The following NRG1 variants were observed in gnomAD, a reference collection of about 807,000 sequenced individuals.
The protein encoded by NRG1 is pro-neuregulin-1, membrane-bound isoform.
A neutral mutation model predicts 63.8 loss-of-function variants in NRG1; 18 were observed. The ratio of observed to expected loss-of-function variants is 0.28; its 90% CI spans 0.19 to 0.42. The LOEUF is 0.42. Ranked by LOEUF, NRG1 falls within the 10% of genes least tolerant of loss-of-function variation. The pLI is 1.00. For missense variants in NRG1, 762 were observed against 814.7 expected (o/e 0.94, Z 0.79); for synonymous variants, 302 against 301.3 (o/e 1.00, Z -0.02).
intron 1 of NRG1, among the ~76,000 whole-genome samples, chr8:32,303,991 T>C (rs1855917838): frequency 6.6e-6 from 1 of 152,254 alleles, no homozygotes; most frequent in Non-Finnish European, 1.5e-5. Flanking sequence ...TCATCTGAAC[T>C]GTGAAATTTT....
At chr8:32,510,897 A>G (rs1371173850) in intron 1 of NRG1, among the ~76,000 whole-genome samples, 1 of 149,156 alleles carries the variant, frequency 6.7e-6, no homozygotes, top group African/African-American at 2.5e-5. Flanking sequence ...TCTTATAAAC[A>G]TTGTTCTTTT....
chr8:32,311,419 T>C (rs1856791841), intron 1 of NRG1, among the ~76,000 whole-genome samples: 1 of 152,066 alleles, frequency 6.6e-6, no homozygotes, highest in Admixed American at 6.6e-5. Flanking sequence ...AGAGTTCAAA[T>C]GCAAGAAGGA....
At chr8:31,852,331 G>A (rs1188448037) in intron 1 of NRG1, among the ~76,000 whole-genome samples, 1 of 149,656 alleles carries the variant, frequency 6.7e-6, no homozygotes, top group African/African-American at 2.4e-5. Flanking sequence ...TCTCATTGTG[G>A]TTTTGATTTG....
At chr8:31,746,230 T>A (rs143318780) in intron 1 of NRG1, among the ~76,000 whole-genome samples, 1 of 152,088 alleles carries the variant, frequency 6.6e-6, no homozygotes, top group African/African-American at 2.4e-5. Context: ...AAGCCCAAGC[T>A]TTTGTGGAAA....
chr8:31,689,536 CT>C (rs1229839148), intron 1 of NRG1, among the ~76,000 whole-genome samples: 1 of 152,152 alleles, frequency 6.6e-6, no homozygotes, highest in East Asian at 1.9e-4. Flanking sequence ...AGACTGCATA[CT>C]TTTTCTTCTT....
intron 5 of NRG1, among the ~76,000 whole-genome samples, chr8:32,722,476 A>G (rs1820902929): frequency 6.6e-6 from 1 of 152,182 alleles, no homozygotes; most frequent in Non-Finnish European, 1.5e-5. Flanking sequence ...TACAGGAAAT[A>G]CTGTTTGATT....
intron 1 of NRG1, among the ~76,000 whole-genome samples, chr8:31,763,946 C>A (rs1361825604): frequency 3.5e-5 from 5 of 140,958 alleles, no homozygotes; most frequent in Non-Finnish European, 7.5e-5. Context: ...CAAGAGCTTG[C>A]AGTGAGCCAA....
chr8:32,113,334 A>G (rs1465756517), intron 1 of NRG1, among the ~76,000 whole-genome samples: 2 of 152,096 alleles, frequency 1.3e-5, no homozygotes, highest in South Asian at 4.1e-4. Flanking sequence ...ACGTATCTCC[A>G]ATAGTAACTG....
intron 1 of NRG1, among the ~76,000 whole-genome samples, chr8:32,291,471 A>C (rs768267110): frequency 2.8e-4 from 43 of 150,946 alleles, no homozygotes; most frequent in Non-Finnish European, 3.8e-4. Context: ...ACGATAAATC[A>C]TGTGTGACCT....
intron 1 of NRG1, among the ~76,000 whole-genome samples, chr8:32,455,686 C>A (rs533833986): frequency 1.3e-5 from 2 of 152,102 alleles, no homozygotes; most frequent in Non-Finnish European, 2.9e-5. Context: ...GGTTTAATGA[C>A]CAAATGAGAC....
intron 3 of NRG1, among the ~76,000 whole-genome samples, chr8:32,609,068 G>A (rs2129540386): frequency 6.6e-6 from 1 of 152,246 alleles, no homozygotes; most frequent in South Asian, 2.1e-4. Context: ...ATAGCTGCCC[G>A]GAAGCTCCTC....
chr8:31,772,519 G>A (rs1818723884), intron 1 of NRG1, among the ~76,000 whole-genome samples: 2 of 152,054 alleles, frequency 1.3e-5, no homozygotes, highest in Non-Finnish European at 2.9e-5. Context: ...TTCTCTTCTA[G>A]CAACTTTTTT....
intron 1 of NRG1, among the ~76,000 whole-genome samples, chr8:31,996,084 T>A (rs1476677334): frequency 6.6e-6 from 1 of 151,712 alleles, no homozygotes; most frequent in Non-Finnish European, 1.5e-5. Flanking sequence ...CCTTTCTTCG[T>A]CTGCACTGTT....
chr8:32,253,161 T>C (rs1276597573), intron 1 of NRG1, among the ~76,000 whole-genome samples: 8 of 152,216 alleles, frequency 5.3e-5, no homozygotes, highest in African/African-American at 1.9e-4. Context: ...TTTGACTTCC[T>C]CTTTTCCAAT....
At chr8:31,807,444 G>C (rs1287229356) in intron 1 of NRG1, among the ~76,000 whole-genome samples, 3 of 152,000 alleles carry the variant, frequency 2.0e-5, no homozygotes, top group Non-Finnish European at 4.4e-5. Context: ...TTATATCCTG[G>C]GGGTATCACA....
Position 32,750,572 on chromosome 8 carries a change from A to C in NRG1, c.692-3800A>C, listed in dbSNP as rs138115032. 5.3e-5 allele frequency among the ~76,000 whole-genome samples: 8 copies of C among 152,242 alleles called. No homozygotes were observed. In the East Asian group the frequency reaches 1.5e-3, roughly 29 times the overall value. On this transcript the variant is annotated intron_variant, in intron 7 of 11. Coordinates refer to ENST00000356819, the Ensembl canonical transcript of NRG1. ...TTCAGGGACATCATGCAGCAGGGGC[A>C]TCCTACAGCTGCTGCCTTCTTTTGG...
At chr8:31,644,621 G>C (rs1233499559) in intron 1 of NRG1, among the ~76,000 whole-genome samples, 1 of 152,072 alleles carries the variant, frequency 6.6e-6, no homozygotes, top group Non-Finnish European at 1.5e-5. Context: ...GCAAATGAGA[G>C]CAAAAGATGT....
intron 1 of NRG1, among the ~76,000 whole-genome samples, chr8:32,464,173 C>T (rs894977323): frequency 1.3e-5 from 2 of 151,786 alleles, no homozygotes; most frequent in African/African-American, 4.8e-5. Context: ...GGATTACAGG[C>T]GTGAGCCATC....
chr8:32,150,437 C>T (rs1357204090), intron 1 of NRG1, among the ~76,000 whole-genome samples: 1 of 152,122 alleles, frequency 6.6e-6, no homozygotes, highest in Non-Finnish European at 1.5e-5. Flanking sequence ...GAGGGGTTCT[C>T]CATATGCATG....
Sources: gnomAD v4.1 joint callset for allele counts (sites outside exome capture counted in the v4.1 genomes callset) on GRCh38, gnomAD v4.1.1 for gene constraint, MANE v1.5 for transcripts, NCBI Gene and HGNC (gene_info 2026-07-23, HGNC 2026-07-21) for gene names.